Variants in CRACR2A observed in about 807,000 individuals in gnomAD.
CRACR2A encodes the protein calcium release activated channel regulator 2A.
CRACR2A carries 79 observed loss-of-function variants against 90.5 expected under a neutral mutation model. The observed-to-expected ratio is 0.87, with a 90% CI of 0.73 to 1.05. CRACR2A has a LOEUF of 1.05. Among genes scored for constraint, CRACR2A ranks in the 50% least tolerant of loss-of-function variants. The probability of loss-of-function intolerance (pLI) is 0.00; values close to 1 mark genes in which losing one functional copy is unlikely to be tolerated. For synonymous variants in CRACR2A, 338 were observed against 356.7 expected (o/e 0.95, Z 0.59); for missense variants, 823 against 897.2 (o/e 0.92, Z 1.06).
intron 4 of CRACR2A, among the ~76,000 whole-genome samples, chr12:3,682,371 G>A (rs1004679813): frequency 6.6e-6 from 1 of 152,166 alleles, no homozygotes; most frequent in Admixed American, 6.5e-5. Context: ...ACCAGGAGAG[G>A]CTAGTTCACA....
chr12:3,668,208 G>A (rs1017426989), intron 7 of CRACR2A, among the ~76,000 whole-genome samples: 5 of 151,968 alleles, frequency 3.3e-5, no homozygotes, highest in Non-Finnish European at 5.9e-5. Flanking sequence ...TAGAGTCCTC[G>A]CCGAGAACTT....
intron 2 of CRACR2A, among the ~76,000 whole-genome samples, chr12:3,715,867 G>A (rs113177883): frequency 6.6e-6 from 1 of 152,108 alleles, no homozygotes; most frequent in African/African-American, 2.4e-5. Flanking sequence ...ATTATTAACT[G>A]AAGAAAAATG....
At chr12:3,663,141 AT>A (rs1255451489) in intron 7 of CRACR2A, among the ~76,000 whole-genome samples, 1 of 152,128 alleles carries the variant, frequency 6.6e-6, no homozygotes, top group Non-Finnish European at 1.5e-5. Flanking sequence ...ACACGCAGGC[AT>A]TTATGTCACC....
At chr12:3,655,625 G>A (rs144903081) in intron 9 of CRACR2A, among the ~76,000 whole-genome samples, 1 of 152,350 alleles carries the variant, frequency 6.6e-6, no homozygotes, top group African/African-American at 2.4e-5. Flanking sequence ...AGGCCACTAA[G>A]TAGGAGGCTT....
chr12:3,734,030 GCA>G (rs1946404995), intron 1 of CRACR2A, among the ~76,000 whole-genome samples: 1 of 145,158 alleles, frequency 6.9e-6, no homozygotes. Flanking sequence ...GAGTGCAGTG[GCA>G]TGATCTTGGC....
chr12:3,710,058 G>C (rs962080461), intron 3 of CRACR2A, among the ~76,000 whole-genome samples: 13 of 152,112 alleles, frequency 8.5e-5, no homozygotes, highest in African/African-American at 3.1e-4. Flanking sequence ...AAAGCCCTAA[G>C]AACACTGCTA....
At position 3,654,408 on chromosome 12, in the gene CRACR2A, G is replaced by A. The variant is rs371753815; in HGVS notation, c.859-9C>T. Reference sequence around the variant, plus strand: ...GTGCACTGACCTTCCAGCTGCAAAGGAATGGGGAGCAGAGGGGAATGAGGA... The same window carrying A: ...GTGCACTGACCTTCCAGCTGCAAAGAAATGGGGAGCAGAGGGGAATGAGGA... On this transcript the variant is annotated splice_polypyrimidine_tract_variant and intron_variant, in intron 9 of 19. Transcript: ENST00000440314. 3 of 1,580,726 alleles carry A rather than the reference G, an allele frequency of 1.9e-6. No homozygotes were observed. Among genetic ancestry groups the A allele is most frequent in the South Asian group, 1.1e-5 (1 of 87,210 alleles).
At chr12:3,642,268 G>T (rs1944587720) in intron 12 of CRACR2A, among the ~76,000 whole-genome samples, 1 of 152,160 alleles carries the variant, frequency 6.6e-6, no homozygotes, top group Non-Finnish European at 1.5e-5. Context: ...CCAGGTCAGA[G>T]TGCAATGGCA....
At chr12:3,630,529 C>T (rs908159804) in intron 15 of CRACR2A, among the ~76,000 whole-genome samples, 2 of 152,154 alleles carry the variant, frequency 1.3e-5, no homozygotes, top group African/African-American at 4.8e-5. Flanking sequence ...GGAAGAAACA[C>T]CTTGGATTCT....
At chr12:3,701,376 T>C (rs1239970019) in intron 3 of CRACR2A, among the ~76,000 whole-genome samples, 1 of 151,520 alleles carries the variant, frequency 6.6e-6, no homozygotes, top group African/African-American at 2.4e-5. Flanking sequence ...AAAAATGAAA[T>C]AGAAAGCAGA....
intron 10 of CRACR2A, 146 bp downstream of exon 10, chr12:3,654,066 G>T: frequency 2.5e-6 from 2 of 802,334 alleles, no homozygotes; most frequent in East Asian, 2.7e-5. Context: ...AATCCTAGAG[G>T]AGTGTTAGAA....
At chr12:3,635,050 C>T (rs1485930297) in intron 14 of CRACR2A, among the ~76,000 whole-genome samples, 3 of 152,140 alleles carry the variant, frequency 2.0e-5, no homozygotes, top group African/African-American at 7.2e-5. Flanking sequence ...AGGTAAAACC[C>T]AGGATGGCAG....
At chr12:3,732,116 G>A (rs74055999) in intron 2 of CRACR2A, 1,900 of 152,314 alleles carry the variant, frequency 0.012, 26 homozygotes, top group African/African-American at 0.039. Context: ...TTCTCAGCAG[G>A]TGCCCAACAG....
intron 13 of CRACR2A, among the ~76,000 whole-genome samples, chr12:3,638,886 C>T (rs1281372127): frequency 2.6e-5 from 4 of 152,122 alleles, no homozygotes; most frequent in African/African-American, 4.8e-5. Context: ...ATAAAGCGCC[C>T]CCGATTAACA....
chr12:3,665,561 T>C (rs1429742516), intron 7 of CRACR2A, among the ~76,000 whole-genome samples: 1 of 152,152 alleles, frequency 6.6e-6, no homozygotes, highest in Non-Finnish European at 1.5e-5. Context: ...TTTAACAAAT[T>C]CTAATTAAAT....
At chr12:3,658,212 G>A (rs7966899) in intron 8 of CRACR2A, among the ~76,000 whole-genome samples, 2 of 152,142 alleles carry the variant, frequency 1.3e-5, no homozygotes, top group Non-Finnish European at 2.9e-5. Context: ...CTCTGCCCTC[G>A]CCCATTCCCC....
chr12:3,693,421 T>G (rs1002126039), intron 4 of CRACR2A, among the ~76,000 whole-genome samples: 13 of 152,210 alleles, frequency 8.5e-5, no homozygotes, highest in Non-Finnish European at 1.6e-4. Flanking sequence ...CCTGCAGAGT[T>G]CAGGTCTGAC....
At chr12:3,693,495 A>G (rs1026717052) in intron 4 of CRACR2A, among the ~76,000 whole-genome samples, 2 of 152,204 alleles carry the variant, frequency 1.3e-5, no homozygotes, top group African/African-American at 4.8e-5. Context: ...GGTTTCTTGT[A>G]AAACAGGTCA....
At chr12:3,624,201 G>A (rs1944212094) in intron 17 of CRACR2A, among the ~76,000 whole-genome samples, 1 of 152,080 alleles carries the variant, frequency 6.6e-6, no homozygotes, top group East Asian at 1.9e-4. Context: ...TGCTTTTCAG[G>A]TTGAGGGAGG....
Sources: allele counts gnomAD v4.1 joint callset (sites outside exome capture counted in the v4.1 genomes callset), GRCh38; gene constraint gnomAD v4.1.1; transcripts MANE v1.5; gene names NCBI Gene and HGNC (gene_info 2026-07-23, HGNC 2026-07-21).